The following BCL2 variants were observed in gnomAD, a reference collection of about 807,000 sequenced individuals.
The protein encoded by BCL2 is apoptosis regulator Bcl-2.
Under a neutral mutation model 14.2 loss-of-function variants are expected in BCL2, and 1 was observed. The observed-to-expected ratio is 0.07, with a 90% CI of 0.02 to 0.33. The LOEUF (loss-of-function observed/expected upper bound fraction) is 0.33. Among genes scored for constraint, BCL2 ranks in the 10% least tolerant of loss-of-function variants. BCL2 has a pLI of 0.99. For synonymous variants in BCL2, 151 were observed against 137.2 expected (o/e 1.10, Z -0.70); for missense variants, 247 against 305.9 (o/e 0.81, Z 1.44).
chr18:63,207,707 G>T lies in BCL2; in HGVS notation c.586-78948C>A, dbSNP rs867386966. ...GGCTGACACTGCCTTACTTAATATG[G>T]GGGTGGGGGAAGTCCCTGCGATATA... On this transcript the variant is annotated intron_variant, in intron 2 of 2. Coordinates refer to ENST00000333681, the MANE Select transcript of BCL2 (RefSeq NM_000633.3). The T allele has an allele frequency of 3.9e-5, 6 of 152,294 alleles. No homozygotes were observed. In the South Asian group the frequency reaches 6.2e-4, roughly 16 times the overall value. The allele number at this position is 152,294 out of a possible 1,614,324, so 9.4% of individuals were successfully genotyped here. A position where few individuals can be genotyped will look rare whatever the true frequency, so the allele number is the denominator to read the frequency against.
At chr18:63,131,114 G>A (rs1340164835) in intron 2 of BCL2, among the ~76,000 whole-genome samples, 1 of 152,114 alleles carries the variant, frequency 6.6e-6, no homozygotes, top group African/African-American at 2.4e-5. Flanking sequence ...AATGCTAACA[G>A]GGCCGAGGCT....
At chr18:63,176,421 T>G (rs938365026) in intron 2 of BCL2, among the ~76,000 whole-genome samples, 14 of 152,230 alleles carry the variant, frequency 9.2e-5, no homozygotes, top group African/African-American at 3.1e-4. Context: ...TTTGCCTGCC[T>G]AGACCGTGTC....
chr18:63,137,778 A>C (rs899965), intron 2 of BCL2, among the ~76,000 whole-genome samples: 1 of 152,206 alleles, frequency 6.6e-6, no homozygotes, highest in African/African-American at 2.4e-5. Context: ...GACTGCTGCT[A>C]TGTTTGGAGT....
chr18:63,319,008 G>A (rs947839483), intron 1 of BCL2, 56 bp from the exon 2 acceptor site: 7 of 1,185,320 alleles, frequency 5.9e-6, no homozygotes, highest in Non-Finnish European at 6.3e-6. Context: ...GCGTTTCCCT[G>A]TACACACTGA....
chr18:63,258,140 G>A lies in BCL2; in HGVS notation c.585+59942C>T, dbSNP rs566425399. ...GGACACAGAGGGCAAGCTAAGGACC[G>A]ATGGCACTTCCAGGAGCTGGAAGAG... On this transcript the variant is annotated intron_variant, in intron 2 of 2. Coordinates refer to ENST00000333681, the MANE Select transcript of BCL2 (RefSeq NM_000633.3). 2.6e-3 allele frequency among the ~76,000 whole-genome samples: 402 copies of A among 152,350 alleles called. 1 individual carries two copies. The highest frequency in any genetic ancestry group is 9.1e-3 in the African/African-American group (377 of 41,574).
At chr18:63,219,521 A>G (rs1199122768) in intron 2 of BCL2, among the ~76,000 whole-genome samples, 2 of 150,054 alleles carry the variant, frequency 1.3e-5, no homozygotes, top group Admixed American at 1.3e-4. Flanking sequence ...CAGTGGCACA[A>G]TCTCAGCTCA....
At chr18:63,173,073 C>T (rs1915264911) in intron 2 of BCL2, among the ~76,000 whole-genome samples, 1 of 152,232 alleles carries the variant, frequency 6.6e-6, no homozygotes, top group Non-Finnish European at 1.5e-5. Context: ...AAAAGTTTAG[C>T]TCCAATATAG....
chr18:63,185,044 T>G (rs1362059366), intron 2 of BCL2, among the ~76,000 whole-genome samples: 3 of 152,116 alleles, frequency 2.0e-5, no homozygotes, highest in Non-Finnish European at 4.4e-5. Flanking sequence ...CCAATTCTGA[T>G]CCAATCAGAC....
rs532873722 is a variant in BCL2, at chr18:63,187,000, T to C, written c.586-58241A>G. Among the ~76,000 whole-genome samples the C allele has an allele frequency of 1.1e-4, 17 of 152,378 alleles. No homozygotes were observed. In the East Asian group the frequency reaches 2.1e-3, roughly 19 times the overall value. ...TTCATGTGAATATCCATCTTCATTA[T>C]TGAAAACAGAAACTCCAACCTTAAG... On this transcript the variant is annotated intron_variant, in intron 2 of 2. Coordinates refer to ENST00000333681, the MANE Select transcript of BCL2 (RefSeq NM_000633.3).
chr18:63,258,337 C>T (rs1405119172), intron 2 of BCL2, among the ~76,000 whole-genome samples: 6 of 152,124 alleles, frequency 3.9e-5, no homozygotes, highest in Non-Finnish European at 1.5e-5. Context: ...ATGGTACTAC[C>T]ATATATTATT....
In BCL2 at chr18:63,318,991, A is replaced by G. The variant is rs1465663506; in HGVS notation, c.-286-39T>C. On this transcript the variant is annotated intron_variant, in intron 1 of 2. Transcript: ENST00000333681. This position sits in a 1 kb window ranked among gnomAD's most constrained non-coding sequence, Gnocchi z 7.4. ...GAAAAAACAAACTAATAAGTAAAAA[A>G]TCAGGTGCGTTTCCCTGTACACACT... The G allele has an allele frequency of 1.6e-6, 2 of 1,242,326 alleles. No individual in the cohort carries two copies. Among genetic ancestry groups the G allele is most frequent in the African/African-American group, 3.1e-5 (2 of 64,084 alleles). The allele number at this position is 1,242,326 out of a possible 1,614,324, so 77.0% of individuals were successfully genotyped here.
chr18:63,247,779 C>T (rs1029197996), intron 2 of BCL2, among the ~76,000 whole-genome samples: 6 of 152,302 alleles, frequency 3.9e-5, no homozygotes, highest in East Asian at 1.9e-4. Context: ...CTCCCCATCA[C>T]GTCACATCAA....
rs571076818 is a variant in BCL2, at chr18:63,124,117, T to C, written c.*4508A>G. 4.5e-6 allele frequency: 1 copy of C among 221,914 alleles called. No individual in the cohort carries two copies. Among genetic ancestry groups the C allele is most frequent in the African/African-American group, 2.2e-5 (1 of 44,718 alleles). 13.7% of individuals were successfully genotyped at this position (221,914 alleles called of 1,614,324 possible). A position where few individuals can be genotyped will look rare whatever the true frequency, so the allele number is the denominator to read the frequency against. On this transcript the variant is annotated 3_prime_UTR_variant, in exon 3 of 3. Coordinates refer to ENST00000333681, the MANE Select transcript of BCL2 (RefSeq NM_000633.3). ...ATCCAGTGAGATGCATATTTCATGATTGTCCAAGGTCATGGTTGTCCAAAG... is the reference window on the plus strand; with the variant it reads ...ATCCAGTGAGATGCATATTTCATGACTGTCCAAGGTCATGGTTGTCCAAAG...
rs118026291 is a variant in BCL2, at chr18:63,284,950, G to A, written c.585+33132C>T. ...ATGCTCCACTCCAGCAAGGGCAGAC[G>A]CCAGGAAAAAAATGGAAAGGGGGAG... On this transcript the variant is annotated intron_variant, in intron 2 of 2. Transcript: ENST00000333681. 4.6e-3 allele frequency among the ~76,000 whole-genome samples: 700 copies of A among 152,196 alleles called. 3 individuals are homozygous for A. Among genetic ancestry groups the A allele is most frequent in the Non-Finnish European group, 7.5e-3 (510 of 67,984 alleles).
At chr18:63,290,864 T>C (rs1314173275) in intron 2 of BCL2, among the ~76,000 whole-genome samples, 1 of 152,204 alleles carries the variant, frequency 6.6e-6, no homozygotes, top group Non-Finnish European at 1.5e-5. Context: ...GTGGGCCGAA[T>C]GTTTCTTTCC....
At chr18:63,208,073 T>C (rs1226078740) in intron 2 of BCL2, 3 of 152,220 alleles carry the variant, frequency 2.0e-5, no homozygotes, top group East Asian at 1.9e-4. Flanking sequence ...TCTTCTCTGA[T>C]AGATTTTAGC....
Position 63,126,096 on chromosome 18 carries a change from A to C in BCL2, c.*2529T>G. 4.6e-6 allele frequency: 1 copy of C among 216,270 alleles called. No individual in the cohort carries two copies. The highest frequency in any genetic ancestry group is 9.3e-6 in the Non-Finnish European group (1 of 107,092). The allele number at this position is 216,270 out of a possible 1,614,324, so 13.4% of individuals were successfully genotyped here. On this transcript the variant is annotated 3_prime_UTR_variant, in exon 3 of 3. Transcript: ENST00000333681. ...AAAATGATTTTGGCAGGATAGCAGC[A>C]CAGGATTGGATATTCCATATTCATC...
intron 2 of BCL2, among the ~76,000 whole-genome samples, chr18:63,280,362 T>C (rs774935755): frequency 2.6e-5 from 4 of 152,222 alleles, no homozygotes; most frequent in African/African-American, 7.2e-5. Flanking sequence ...AGATCCTATA[T>C]ATAAAGCACC....
intron 2 of BCL2, among the ~76,000 whole-genome samples, chr18:63,146,786 G>A (rs1304753190): frequency 1.3e-5 from 2 of 151,910 alleles, no homozygotes; most frequent in African/African-American, 2.4e-5. Context: ...TTAGGATCAC[G>A]CCTGGTGGGT....
Sources: allele counts gnomAD v4.1 joint callset (sites outside exome capture counted in the v4.1 genomes callset), GRCh38; gene constraint gnomAD v4.1.1; non-coding constraint Gnocchi (gnomAD v3.1); transcripts MANE v1.5; gene names NCBI Gene and HGNC (gene_info 2026-07-23, HGNC 2026-07-21).